DSCAML1: variants seen among roughly 807,000 people sequenced by gnomAD.
DSCAML1 encodes the protein cell adhesion molecule DSCAML1.
A neutral mutation model predicts 200.5 loss-of-function variants in DSCAML1; 38 were observed. The ratio of observed to expected loss-of-function variants is 0.19; its 90% CI spans 0.15 to 0.25. DSCAML1 has a LOEUF of 0.25. Among genes scored for constraint, DSCAML1 ranks in the 10% least tolerant of loss-of-function variants. DSCAML1 has a pLI of 1.00. For missense variants in DSCAML1, 2,223 were observed against 2,858.8 expected (o/e 0.78, Z 5.07); for synonymous variants, 1,215 against 1,165.0 (o/e 1.04, Z -0.87).
At chr11:117,807,603 T>C (rs1277617702) in intron 1 of DSCAML1, among the ~76,000 whole-genome samples, 2 of 152,138 alleles carry the variant, frequency 1.3e-5, no homozygotes, top group South Asian at 4.1e-4. Context: ...TCTAAGGAGA[T>C]GGGCAAGTTT....
At chr11:117,434,784 C>A (rs553322561) in intron 27 of DSCAML1, among the ~76,000 whole-genome samples, 3 of 152,074 alleles carry the variant, frequency 2.0e-5, no homozygotes, top group Non-Finnish European at 4.4e-5. Context: ...ATTCAATTAT[C>A]CACCCAATCA....
chr11:117,567,991 C>G (rs914767407), intron 3 of DSCAML1, among the ~76,000 whole-genome samples: 5 of 151,906 alleles, frequency 3.3e-5, no homozygotes, highest in East Asian at 3.9e-4. Context: ...ACTGGCAAAC[C>G]GAATCCAGCA....
intron 16 of DSCAML1, among the ~76,000 whole-genome samples, chr11:117,468,113 G>A (rs1361667436): frequency 2.0e-5 from 3 of 151,384 alleles, no homozygotes; most frequent in East Asian, 1.9e-4. Flanking sequence ...TCTGTCCCCC[G>A]CCTCTCCAAA....
At chr11:117,467,975 A>C (rs2048616781) in intron 16 of DSCAML1, among the ~76,000 whole-genome samples, 1 of 152,130 alleles carries the variant, frequency 6.6e-6, no homozygotes, top group Non-Finnish European at 1.5e-5. Flanking sequence ...CCACATCCAC[A>C]TATACTGACA....
Position 117,557,179 on chromosome 11 carries a change from T to A in DSCAML1, c.512-24657A>T, listed in dbSNP as rs1392344122. Among the ~76,000 whole-genome samples the A allele has an allele frequency of 2.6e-5, 4 of 152,046 alleles. 1 individual carries two copies. Among genetic ancestry groups the A allele is most frequent in the Admixed American group, 2.6e-4 (4 of 15,266 alleles). ...AGAGTCAGGTGTCATGAGTGGGAGG[T>A]TAAGCAGGTGGGGGACTTGCAGGAA... On this transcript the variant is annotated intron_variant, in intron 3 of 32. Coordinates refer to ENST00000651296, the MANE Select transcript of DSCAML1 (RefSeq NM_020693.4).
At chr11:117,735,851 A>G (rs1373674974) in intron 3 of DSCAML1, among the ~76,000 whole-genome samples, 1 of 152,196 alleles carries the variant, frequency 6.6e-6, no homozygotes, top group East Asian at 1.9e-4. Flanking sequence ...GCAGACCAAC[A>G]GATACATTTG....
intron 4 of DSCAML1, among the ~76,000 whole-genome samples, chr11:117,525,671 G>A (rs12800487): frequency 0.2 from 30,868 of 151,884 alleles, 3,318 homozygotes; most frequent in East Asian, 0.35. Context: ...TGTTGGCCAG[G>A]CTGGTCTCGA....
intron 3 of DSCAML1, among the ~76,000 whole-genome samples, chr11:117,609,071 T>C (rs959721959): frequency 2.6e-5 from 4 of 151,840 alleles, no homozygotes. Context: ...TGGTGTTGTG[T>C]GCCTGTAATC....
chr11:117,688,429 T>C (rs533604372), intron 3 of DSCAML1, among the ~76,000 whole-genome samples: 8 of 152,102 alleles, frequency 5.3e-5, no homozygotes, highest in African/African-American at 7.2e-5. Flanking sequence ...TTGGGAAGGA[T>C]AGGGGAGAGA....
chr11:117,557,370 C>T (rs1157876747), intron 3 of DSCAML1, among the ~76,000 whole-genome samples: 1 of 152,190 alleles, frequency 6.6e-6, no homozygotes, highest in African/African-American at 2.4e-5. Flanking sequence ...CCCTGCTCTC[C>T]ACCTTCTTCT....
intron 3 of DSCAML1, among the ~76,000 whole-genome samples, chr11:117,675,996 G>A (rs1374251292): frequency 6.6e-6 from 1 of 152,194 alleles, no homozygotes; most frequent in Non-Finnish European, 1.5e-5. Context: ...GAACTGGGAA[G>A]TAGAGGAGGA....
chr11:117,621,068 CT>C (rs2051917965), intron 3 of DSCAML1, among the ~76,000 whole-genome samples: 1 of 152,232 alleles, frequency 6.6e-6, no homozygotes, highest in African/African-American at 2.4e-5. Context: ...AAATGGTTTA[CT>C]GTCTATGGAC....
intron 1 of DSCAML1, among the ~76,000 whole-genome samples, chr11:117,814,929 G>A (rs1010661196): frequency 2.0e-5 from 3 of 152,222 alleles, no homozygotes; most frequent in Non-Finnish European, 2.9e-5. Context: ...CTGGAGAGCC[G>A]AGGACACCGG....
chr11:117,486,460 G>A lies in DSCAML1; in HGVS notation c.2360-4298C>T, dbSNP rs200033992. 5.1e-3 allele frequency among the ~76,000 whole-genome samples: 252 copies of A among 49,866 alleles called. 2 individuals carry two copies. Among genetic ancestry groups the A allele is most frequent in the South Asian group, 0.028 (45 of 1,600 alleles). The allele number at this position is 49,866 out of a possible 152,430, so 32.7% of individuals were successfully genotyped here. ...TGAAAGTGGCAGATATGAAAGTAGC[G>A]GATGTGAAAATGGTGGATGTGAAAA... On this transcript the variant is annotated intron_variant, in intron 11 of 32. Transcript: ENST00000651296.
At chr11:117,610,840 A>C (rs1168134493) in intron 3 of DSCAML1, among the ~76,000 whole-genome samples, 366 of 112,340 alleles carry the variant, frequency 3.3e-3, no homozygotes, top group South Asian at 4.7e-3. Flanking sequence ...AACCAAAACA[A>C]CCCCCCCCCC....
intron 6 of DSCAML1, among the ~76,000 whole-genome samples, chr11:117,520,412 G>A (rs1252146073): frequency 6.6e-6 from 1 of 152,152 alleles, no homozygotes; most frequent in African/African-American, 2.4e-5. Flanking sequence ...GGCAGGGAGA[G>A]GAATTGCAAG....
intron 4 of DSCAML1, among the ~76,000 whole-genome samples, chr11:117,529,969 C>T (rs78587763): frequency 0.041 from 6,212 of 152,202 alleles, 176 homozygotes; most frequent in South Asian, 0.07. Context: ...GGCCCCGCGT[C>T]GCTGCATGTG....
intron 3 of DSCAML1, among the ~76,000 whole-genome samples, chr11:117,750,513 C>T (rs1422361603): frequency 2.0e-5 from 3 of 152,214 alleles, no homozygotes; most frequent in Non-Finnish European, 4.4e-5. Context: ...ATAAACAACA[C>T]CCAGTGAACG....
At chr11:117,649,941 A>G (rs1203882094) in intron 3 of DSCAML1, among the ~76,000 whole-genome samples, 1 of 151,670 alleles carries the variant, frequency 6.6e-6, no homozygotes, top group East Asian at 1.9e-4. Context: ...TGCTGCCTTG[A>G]CCCTTCCTCA....
Sources: allele counts gnomAD v4.1 joint callset (sites outside exome capture counted in the v4.1 genomes callset), GRCh38; gene constraint gnomAD v4.1.1; transcripts MANE v1.5; gene names NCBI Gene and HGNC (gene_info 2026-07-23, HGNC 2026-07-21).